The following CSMD1 variants were observed in gnomAD, a reference collection of about 807,000 sequenced individuals.
CSMD1 encodes the protein CUB and sushi domain-containing protein 1.
A neutral mutation model predicts 417.5 loss-of-function variants in CSMD1; 213 were observed. The observed-to-expected ratio is 0.51, with a 90% CI of 0.46 to 0.57. CSMD1 has a LOEUF of 0.57. CSMD1 is among the 20% of genes least tolerant of loss of function. The probability of loss-of-function intolerance (pLI) is 0.00; values close to 1 mark genes in which losing one functional copy is unlikely to be tolerated. For synonymous variants in CSMD1, 2,862 were observed against 1,736.8 expected (o/e 1.65, Z -16.11); for missense variants, 6,923 against 4,529.7 (o/e 1.53, Z -15.17).
intron 3 of CSMD1, among the ~76,000 whole-genome samples, chr8:4,361,256 T>C (rs1157725826): frequency 6.6e-6 from 1 of 152,080 alleles, no homozygotes; most frequent in Non-Finnish European, 1.5e-5. Context: ...GGAAAAGGCG[T>C]AAAAGAAAAT....
chr8:3,999,659 T>C (rs762915011), intron 4 of CSMD1, among the ~76,000 whole-genome samples: 5 of 152,156 alleles, frequency 3.3e-5, no homozygotes, highest in Non-Finnish European at 5.9e-5. Flanking sequence ...TCCTACGGGA[T>C]GCCAGGCTGG....
chr8:3,940,810 A>G (rs991888852), intron 5 of CSMD1, among the ~76,000 whole-genome samples: 2 of 151,854 alleles, frequency 1.3e-5, no homozygotes, highest in African/African-American at 4.8e-5. Flanking sequence ...ACTATAACAA[A>G]TATCTTAAAA....
At chr8:3,359,489 T>G (rs1184041059) in intron 20 of CSMD1, 149 bp from the exon 21 acceptor site, 1 of 612,866 alleles carries the variant, frequency 1.6e-6, no homozygotes, top group Non-Finnish European at 2.7e-6. Context: ...TTACGTGCAT[T>G]TTTTTTCTTG....
At chr8:4,604,272 C>A (rs189723613) in intron 2 of CSMD1, among the ~76,000 whole-genome samples, 1 of 151,396 alleles carries the variant, frequency 6.6e-6, no homozygotes, top group African/African-American at 2.4e-5. Context: ...AATAAAGGTA[C>A]AATAGATATA....
At chr8:4,194,563 A>G (rs962895117) in intron 3 of CSMD1, among the ~76,000 whole-genome samples, 2 of 152,186 alleles carry the variant, frequency 1.3e-5, no homozygotes, top group African/African-American at 2.4e-5. Flanking sequence ...ACAGCAAATA[A>G]AAAGTACGCC....
At chr8:3,790,136 A>C (rs1254708402) in intron 5 of CSMD1, among the ~76,000 whole-genome samples, 1 of 152,216 alleles carries the variant, frequency 6.6e-6, no homozygotes, top group Non-Finnish European at 1.5e-5. Flanking sequence ...TCGAATTTAA[A>C]TTGCCTTGGC....
intron 1 of CSMD1, among the ~76,000 whole-genome samples, chr8:4,684,158 A>G (rs1027338283): frequency 6.6e-6 from 1 of 152,270 alleles, no homozygotes; most frequent in Non-Finnish European, 1.5e-5. Flanking sequence ...ATAGACAAGG[A>G]ATGCAAAAAC....
intron 37 of CSMD1, among the ~76,000 whole-genome samples, chr8:3,173,955 C>T (rs570798621): frequency 6.6e-6 from 1 of 152,154 alleles, no homozygotes; most frequent in Non-Finnish European, 1.5e-5. Context: ...TTTCAAAGGA[C>T]ATAAGGCATT....
intron 7 of CSMD1, among the ~76,000 whole-genome samples, chr8:3,657,354 T>G (rs1015306908): frequency 6.7e-6 from 1 of 150,156 alleles, no homozygotes; most frequent in Admixed American, 6.6e-5. Flanking sequence ...CACCAAGAAG[T>G]AAAAGATCTC....
At chr8:4,263,639 C>G (rs1450473078) in intron 3 of CSMD1, among the ~76,000 whole-genome samples, 2 of 152,224 alleles carry the variant, frequency 1.3e-5, no homozygotes, top group East Asian at 3.9e-4. Flanking sequence ...ACCATATCAT[C>G]TTAGCAATAA....
At chr8:3,729,264 A>T (rs1042919709) in intron 6 of CSMD1, among the ~76,000 whole-genome samples, 7 of 152,114 alleles carry the variant, frequency 4.6e-5, no homozygotes, top group Non-Finnish European at 1.5e-5. Flanking sequence ...ACGGCTTGCT[A>T]CAGGAAGTGT....
At chr8:3,888,473 G>T (rs1276760642) in intron 5 of CSMD1, among the ~76,000 whole-genome samples, 2 of 152,192 alleles carry the variant, frequency 1.3e-5, no homozygotes, top group Non-Finnish European at 2.9e-5. Context: ...GCGCCATTTA[G>T]GAGATGATTA....
At chr8:4,446,429 T>C (rs1007475031) in intron 2 of CSMD1, among the ~76,000 whole-genome samples, 1 of 152,004 alleles carries the variant, frequency 6.6e-6, no homozygotes, top group Non-Finnish European at 1.5e-5. Flanking sequence ...ACACCTGTAG[T>C]CCCCGCTACT....
chr8:4,162,166 G>A (rs1563206011), intron 3 of CSMD1, among the ~76,000 whole-genome samples: 1 of 152,158 alleles, frequency 6.6e-6, no homozygotes, highest in Non-Finnish European at 1.5e-5. Context: ...TAGTTTCCCT[G>A]CCTGCTTTGC....
chr8:3,096,896 T>C lies in CSMD1; in HGVS notation c.7091A>G (p.Asp2364Gly), dbSNP rs1815344961. 6.4e-7 allele frequency: 1 copy of C among 1,557,248 alleles called. No individual in the cohort carries two copies. The highest frequency in any genetic ancestry group is 1.4e-5 in the African/African-American group (1 of 73,566). The change falls in exon 47 of 70, where the codon GAC (aspartate) becomes GGC (glycine). Residue 2364 changes from aspartate to glycine, a missense_variant. Transcript: ENST00000635120. ...AAACTGCTTTTCACTTTGAAATGTG[T>C]CCACAAAGATGGTAATGTTGTAGTT... ...EPNYNITIFV[D>G]TFQSEKQFDA...
chr8:4,466,118 G>A (rs138429683), intron 2 of CSMD1, among the ~76,000 whole-genome samples: 206 of 152,296 alleles, frequency 1.4e-3, no homozygotes, highest in Non-Finnish European at 2.2e-3. Flanking sequence ...GAGTAAATGG[G>A]AGGATAGTTT....
At chr8:4,046,023 T>A (rs1210295033) in intron 3 of CSMD1, among the ~76,000 whole-genome samples, 2 of 152,138 alleles carry the variant, frequency 1.3e-5, no homozygotes, top group African/African-American at 4.8e-5. Context: ...TATTCAAATA[T>A]AAAATTTAGG....
At chr8:4,248,794 T>G (rs555894055) in intron 3 of CSMD1, among the ~76,000 whole-genome samples, 8 of 152,208 alleles carry the variant, frequency 5.3e-5, no homozygotes, top group Admixed American at 2.0e-4. Context: ...CTCCTCTGAA[T>G]GGAAAAATCT....
At chr8:3,735,786 C>T (rs1225504714) in intron 6 of CSMD1, among the ~76,000 whole-genome samples, 4 of 152,214 alleles carry the variant, frequency 2.6e-5, no homozygotes, top group African/African-American at 9.6e-5. Context: ...ACACATGCTC[C>T]TTGCTAATCT....
Sources: allele counts gnomAD v4.1 joint callset (sites outside exome capture counted in the v4.1 genomes callset), GRCh38; gene constraint gnomAD v4.1.1; transcripts MANE v1.5; gene names NCBI Gene and HGNC (gene_info 2026-07-23, HGNC 2026-07-21).